Variants in RBFOX1 observed in about 807,000 individuals in gnomAD.
RBFOX1 encodes RNA binding protein fox-1 homolog 1.
Under a neutral mutation model 57.7 loss-of-function variants are expected in RBFOX1, and 8 were observed. The observed-to-expected ratio is 0.14, with a 90% CI of 0.08 to 0.25. The LOEUF (loss-of-function observed/expected upper bound fraction) is 0.25. Among genes scored for constraint, RBFOX1 ranks in the 10% least tolerant of loss-of-function variants. RBFOX1 has a pLI of 1.00. For synonymous variants in RBFOX1, 326 were observed against 222.4 expected (o/e 1.47, Z -4.15); for missense variants, 611 against 548.5 (o/e 1.11, Z -1.14).
chr16:6,051,980 G>A (rs182684703), intron 1 of RBFOX1, among the ~76,000 whole-genome samples: 1 of 152,074 alleles, frequency 6.6e-6, no homozygotes. Flanking sequence ...CAAGTTTGAC[G>A]CCTAATAAAA....
chr16:6,433,314 G>C (rs2094147584), intron 2 of RBFOX1, among the ~76,000 whole-genome samples: 1 of 152,196 alleles, frequency 6.6e-6, no homozygotes, highest in Non-Finnish European at 1.5e-5. Flanking sequence ...ATGTTCTGTT[G>C]GATGAGCAAC....
At chr16:6,504,685 A>G (rs1447656274) in intron 2 of RBFOX1, among the ~76,000 whole-genome samples, 1 of 152,204 alleles carries the variant, frequency 6.6e-6, no homozygotes, top group Admixed American at 6.5e-5. Context: ...CTCCTTGTAC[A>G]TGCATTGAAT....
intron 1 of RBFOX1, among the ~76,000 whole-genome samples, chr16:6,207,197 C>G (rs936096314): frequency 6.6e-6 from 1 of 152,142 alleles, no homozygotes; most frequent in African/African-American, 2.4e-5. Context: ...CCTGTCTTTT[C>G]CCTTTAGCTT....
At chr16:7,463,394 C>A (rs1039609152) in intron 4 of RBFOX1, among the ~76,000 whole-genome samples, 2 of 152,138 alleles carry the variant, frequency 1.3e-5, no homozygotes, top group South Asian at 2.1e-4. Flanking sequence ...ATCTCCGATA[C>A]TCGGGAGGCT....
chr16:5,700,906 T>C (rs2051023713), intron 3 of RBFOX1, among the ~76,000 whole-genome samples: 2 of 152,214 alleles, frequency 1.3e-5, no homozygotes, highest in African/African-American at 4.8e-5. Flanking sequence ...CATGCTGTGG[T>C]GTCACCCATA....
At chr16:6,882,230 C>T (rs2063094153) in intron 3 of RBFOX1, among the ~76,000 whole-genome samples, 1 of 152,068 alleles carries the variant, frequency 6.6e-6, no homozygotes, top group Non-Finnish European at 1.5e-5. Flanking sequence ...TTGCAGTCTC[C>T]ACCTTAGAGA....
rs78931454 is a variant in RBFOX1, at chr16:5,464,506, G to C, written c.220-2710G>C. ...GCTCTCTGGGTGGGCAGGGAACCCA[G>C]GCACTGAGGAGTAGATGACAGGGGA... On this transcript the variant is annotated intron_variant, in intron 1 of 2. Transcript: ENST00000585867. 7.6e-3 allele frequency among the ~76,000 whole-genome samples: 1,151 copies of C among 152,370 alleles called. 16 individuals carry two copies. The highest frequency in any genetic ancestry group is 0.026 in the African/African-American group (1,073 of 41,586).
intron 14 of RBFOX1, among the ~76,000 whole-genome samples, chr16:7,701,378 C>T (rs1483425195): frequency 6.6e-6 from 1 of 152,198 alleles, no homozygotes; most frequent in Non-Finnish European, 1.5e-5. Flanking sequence ...AGCTCCACCT[C>T]CTGTCTGACC....
At chr16:7,106,046 G>T (rs1281697382) in intron 4 of RBFOX1, among the ~76,000 whole-genome samples, 1 of 152,290 alleles carries the variant, frequency 6.6e-6, no homozygotes, top group East Asian at 1.9e-4. Context: ...GGGACTGACA[G>T]TTCTGGAATA....
At chr16:6,684,770 T>G (rs1267797858) in intron 3 of RBFOX1, among the ~76,000 whole-genome samples, 2 of 152,214 alleles carry the variant, frequency 1.3e-5, no homozygotes, top group Non-Finnish European at 2.9e-5. Flanking sequence ...GCAAAGTAAT[T>G]GAAACAGGAA....
chr16:7,258,125 C>T (rs947259621), intron 4 of RBFOX1, among the ~76,000 whole-genome samples: 3 of 152,122 alleles, frequency 2.0e-5, no homozygotes. Flanking sequence ...TTCACTGCTT[C>T]CAGAGGTACC....
chr16:5,885,332 A>G (rs1483320349), intron 4 of RBFOX1, among the ~76,000 whole-genome samples: 1 of 152,040 alleles, frequency 6.6e-6, no homozygotes, highest in Non-Finnish European at 1.5e-5. Context: ...AAAAAAAAAA[A>G]AAAAACTCCA....
At chr16:5,520,142 A>G (rs2043954999) in intron 2 of RBFOX1, among the ~76,000 whole-genome samples, 1 of 152,190 alleles carries the variant, frequency 6.6e-6, no homozygotes, top group Non-Finnish European at 1.5e-5. Context: ...GTGTAACCCC[A>G]GAGGGGAAAG....
intron 1 of RBFOX1, among the ~76,000 whole-genome samples, chr16:5,255,996 G>A (rs1567241497): frequency 1.3e-5 from 2 of 151,858 alleles, no homozygotes; most frequent in African/African-American, 2.4e-5. Flanking sequence ...GTGCATCATC[G>A]ACACTCAATA....
chr16:6,672,331 A>G (rs1037729671), intron 3 of RBFOX1, among the ~76,000 whole-genome samples: 1 of 151,488 alleles, frequency 6.6e-6, no homozygotes, highest in African/African-American at 2.4e-5. Flanking sequence ...TGTGGTGGGG[A>G]AGGGTGGCAG....
chr16:6,393,206 C>G (rs1252884385), intron 2 of RBFOX1, among the ~76,000 whole-genome samples: 3 of 152,190 alleles, frequency 2.0e-5, no homozygotes, highest in African/African-American at 4.8e-5. Context: ...GCTGAAATGT[C>G]ACATTATTTC....
At chr16:7,594,961 TA>T (rs1183055000) in intron 7 of RBFOX1, among the ~76,000 whole-genome samples, 5 of 152,194 alleles carry the variant, frequency 3.3e-5, no homozygotes, top group Admixed American at 2.0e-4. Flanking sequence ...AGATTTATTA[TA>T]AAAAAGGTCT....
chr16:7,494,830 C>CTTTT (rs61434992), intron 4 of RBFOX1, among the ~76,000 whole-genome samples: 62,765 of 124,614 alleles, frequency 0.5, 17,919 homozygotes, highest in Middle Eastern at 0.62. Flanking sequence ...GTGTTACCTA[C>CTTTT]TTTTTTTTTT....
At chr16:7,433,222 G>A (rs571769453) in intron 4 of RBFOX1, among the ~76,000 whole-genome samples, 2 of 152,270 alleles carry the variant, frequency 1.3e-5, no homozygotes, top group South Asian at 2.1e-4. Context: ...ATGCAAAAAG[G>A]TTTTCTTGCC....
Sources: gnomAD v4.1 joint callset for allele counts (sites outside exome capture counted in the v4.1 genomes callset) on GRCh38, gnomAD v4.1.1 for gene constraint, MANE v1.5 for transcripts, NCBI Gene and HGNC (gene_info 2026-07-23, HGNC 2026-07-21) for gene names.